Variants in PGF observed in about 807,000 individuals in gnomAD.
The protein encoded by PGF is placenta growth factor.
Under a neutral mutation model 25.3 loss-of-function variants are expected in PGF, and 11 were observed. The observed-to-expected ratio is 0.43, with a 90% confidence interval of 0.27 to 0.72. The LOEUF is 0.72. Among genes scored for constraint, PGF ranks in the 30% least tolerant of loss-of-function variants. The pLI is 0.18. For synonymous variants in PGF, 105 were observed against 97.9 expected (o/e 1.07, Z -0.43); for missense variants, 230 against 234.9 (o/e 0.98, Z 0.14).
Position 74,955,483 on chromosome 14 carries a change from G to A in PGF, c.-241C>T, listed in dbSNP as rs1467074584. ...GCGGCCCGGCGGGGCGGGGCGCCGA[G>A]GGGCAGGCGGGTCCCGGGGATGGTC... On this transcript the variant is annotated 5_prime_UTR_variant, in exon 1 of 7. Coordinates refer to ENST00000555567, the MANE Select transcript of PGF (RefSeq NM_002632.6). This position sits in a 1 kb window ranked among gnomAD's most constrained non-coding sequence, Gnocchi z 4.1. The A allele has an allele frequency of 2.6e-6, 1 of 384,452 alleles. No individual in the cohort carries two copies. The highest frequency in any genetic ancestry group is 4.6e-6 in the Non-Finnish European group (1 of 216,930). The allele number at this position is 384,452 out of a possible 1,614,324, so 23.8% of individuals were successfully genotyped here.
At position 74,950,067 on chromosome 14, in the gene PGF, G is replaced by C. The variant is rs1368023484; in HGVS notation, c.119-514C>G. ...AAGACCACATCCAGCAATGTGGCCCGACCCTCCTCTCCACTGAGTCCAACC... is the reference window on the plus strand; with the variant it reads ...AAGACCACATCCAGCAATGTGGCCCCACCCTCCTCTCCACTGAGTCCAACC... On this transcript the variant is annotated intron_variant, in intron 2 of 6. Coordinates refer to ENST00000555567, the MANE Select transcript of PGF (RefSeq NM_002632.6). This position sits in a 1 kb window ranked among gnomAD's most constrained non-coding sequence, Gnocchi z 4.1. Among the ~76,000 whole-genome samples, 3 of 152,030 alleles carry C rather than the reference G, an allele frequency of 2.0e-5. No individual in the cohort carries two copies. The highest frequency in any genetic ancestry group is 4.4e-5 in the Non-Finnish European group (3 of 68,000).
chr14:74,951,772 G>T lies in PGF; in HGVS notation c.118+2132C>A, dbSNP rs562060108. 1.6e-4 allele frequency among the ~76,000 whole-genome samples: 25 copies of T among 152,106 alleles called. No homozygotes were observed. The South Asian group carries it at 5.0e-3, about 30-fold the overall frequency. On this transcript the variant is annotated intron_variant, in intron 2 of 6. Coordinates refer to ENST00000555567, the MANE Select transcript of PGF (RefSeq NM_002632.6). ...CCAGCCCTGTGGCCGAACTGTGTTG[G>T]GGGAGGGCTGAGAAGGAGGTGGGCT... is the stretch of plus-strand genomic sequence containing the variant.
intron 2 of PGF, among the ~76,000 whole-genome samples, chr14:74,952,319 A>AGTGG (rs1566859415): frequency 6.6e-6 from 1 of 152,222 alleles, no homozygotes; most frequent in Admixed American, 6.5e-5. Flanking sequence ...GGCAGGGCAC[A>AGTGG]CAGACAGCCT....
At chr14:74,944,784 G>C (rs1386834829) in intron 6 of PGF, 3 of 152,156 alleles carry the variant, frequency 2.0e-5, no homozygotes, top group Non-Finnish European at 4.4e-5. Context: ...CTGGCCTCAA[G>C]CGATCCACTC....
intron 4 of PGF, chr14:74,947,006 T>C (rs1434414026): frequency 1.6e-6 from 1 of 625,384 alleles, no homozygotes; most frequent in Non-Finnish European, 2.9e-6. Context: ...TGGCAGGGGA[T>C]AGGGCCTCAG....
Position 74,942,517 on chromosome 14 carries a change from C to T in PGF, c.*189G>A, listed in dbSNP as rs1010340147. ...GTGGCTGGCTTCTCTCTTTCTCTCA[C>T]GTTGTTGAAGGCACTGAATTCCTGA... On this transcript the variant is annotated 3_prime_UTR_variant, in exon 7 of 7. Coordinates refer to ENST00000555567, the MANE Select transcript of PGF (RefSeq NM_002632.6). 29 of 628,700 alleles carry T rather than the reference C, an allele frequency of 4.6e-5. No individual in the cohort carries two copies. Among genetic ancestry groups the T allele is most frequent in the African/African-American group, 1.9e-5 (1 of 51,866 alleles). 38.9% of individuals were successfully genotyped at this position (628,700 alleles called of 1,614,324 possible). A position where few individuals can be genotyped will look rare whatever the true frequency, so the allele number is the denominator to read the frequency against.
intron 2 of PGF, among the ~76,000 whole-genome samples, chr14:74,951,230 T>G (rs1594988828): frequency 6.6e-6 from 1 of 151,994 alleles, no homozygotes; most frequent in African/African-American, 2.4e-5. Context: ...GGGCTGGTGG[T>G]GGGGGGAATC....
Position 74,942,518 on chromosome 14 carries a change from G to A in PGF, c.*188C>T, listed in dbSNP as rs779495781. 7.9e-5 allele frequency: 50 copies of A among 629,852 alleles called. No homozygotes were observed. Among genetic ancestry groups the A allele is most frequent in the Non-Finnish European group, 1.1e-4 (40 of 355,218 alleles). The allele number at this position is 629,852 out of a possible 1,614,324, so 39.0% of individuals were successfully genotyped here. A position where few individuals can be genotyped will look rare whatever the true frequency, so the allele number is the denominator to read the frequency against. The stretch of plus-strand genomic sequence containing the variant: ...TGGCTGGCTTCTCTCTTTCTCTCAC[G>A]TTGTTGAAGGCACTGAATTCCTGAG... On this transcript the variant is annotated 3_prime_UTR_variant, in exon 7 of 7. Transcript: ENST00000555567.
intron 6 of PGF, among the ~76,000 whole-genome samples, chr14:74,944,264 G>A (rs61759400): frequency 1.4e-3 from 210 of 151,606 alleles, no homozygotes; most frequent in African/African-American, 4.8e-3. Flanking sequence ...CACCACACCC[G>A]GCTAATTTTT....
At chr14:74,945,430 C>G (rs1469512232) in intron 6 of PGF, 2 of 152,204 alleles carry the variant, frequency 1.3e-5, no homozygotes, top group Non-Finnish European at 2.9e-5. Flanking sequence ...TCCCCAGGAT[C>G]CCTGTCTTCA....
chr14:74,949,577 G>A, intron 2 of PGF, 24 bp from the exon 3 acceptor site: 1 of 1,525,022 alleles, frequency 6.6e-7, no homozygotes, highest in South Asian at 1.3e-5. Context: ...AGGGGGCTGG[G>A]TCAGGCCAGC....
In PGF at chr14:74,953,644, G is replaced by T. The variant is rs1044362393; in HGVS notation, c.118+260C>A. Among the ~76,000 whole-genome samples, 14 of 152,142 alleles carry T rather than the reference G, an allele frequency of 9.2e-5. No individual in the cohort carries two copies. The highest frequency in any genetic ancestry group is 3.4e-4 in the African/African-American group (14 of 41,414). The stretch of plus-strand genomic sequence containing the variant: ...AAATCATGCTGGGGAAGGGCTCTGA[G>T]CCAGCTGGATGAACCCTGGCTATAC... On this transcript the variant is annotated intron_variant, in intron 2 of 6. Coordinates refer to ENST00000555567, the MANE Select transcript of PGF (RefSeq NM_002632.6). This position sits in a 1 kb window ranked among gnomAD's most constrained non-coding sequence, Gnocchi z 5.4.
chr14:74,955,246 C>G lies in PGF; in HGVS notation c.-4G>C. On this transcript the variant is annotated 5_prime_UTR_variant, in exon 1 of 7. Coordinates refer to ENST00000555567, the MANE Select transcript of PGF (RefSeq NM_002632.6). This position sits in a 1 kb window ranked among gnomAD's most constrained non-coding sequence, Gnocchi z 4.1. Reference sequence around the variant, plus strand: ...GGAACAGCCTCATGACCGGCATCTTCTCAGACGTCCCGAGCCAGGGGGCTC... The same window carrying G: ...GGAACAGCCTCATGACCGGCATCTTGTCAGACGTCCCGAGCCAGGGGGCTC... The G allele has an allele frequency of 1.4e-6, 2 of 1,455,950 alleles. No individual in the cohort carries two copies. The highest frequency in any genetic ancestry group is 2.7e-5 in the South Asian group (2 of 73,390). 90.2% of individuals were successfully genotyped at this position (1,455,950 alleles called of 1,614,324 possible).
At chr14:74,946,553 G>A in intron 4 of PGF, 145 bp from the exon 5 acceptor site, 3 of 744,798 alleles carry the variant, frequency 4.0e-6, no homozygotes, top group Non-Finnish European at 6.5e-6. Context: ...GCATGGAGTT[G>A]GCAAGGGAGA....
At chr14:74,946,980 C>A in intron 4 of PGF, 2 of 662,308 alleles carry the variant, frequency 3.0e-6, no homozygotes, top group Non-Finnish European at 5.5e-6. Flanking sequence ...GAAAGGTGTC[C>A]CTGTTGCCTG....
intron 4 of PGF, chr14:74,947,877 C>T (rs1888776657): frequency 6.6e-6 from 1 of 152,376 alleles, no homozygotes; most frequent in Admixed American, 6.5e-5. Flanking sequence ...TTCCCTGAAC[C>T]TAGCTGGCAG....
chr14:74,955,420 C>A lies in PGF; in HGVS notation c.-178G>T, dbSNP rs1343645849. 2.7e-5 allele frequency: 11 copies of A among 408,068 alleles called. No individual in the cohort carries two copies. The highest frequency in any genetic ancestry group is 8.8e-5 in the Admixed American group (2 of 22,666). The allele number at this position is 408,068 out of a possible 1,614,324, so 25.3% of individuals were successfully genotyped here. A position where few individuals can be genotyped will look rare whatever the true frequency, so the allele number is the denominator to read the frequency against. ...TCTGGAAGCCTTGCGGAGTCAGGAGCCCGTAGGTAAGGCTGTGGCTGGGGA... is the reference window on the plus strand; with the variant it reads ...TCTGGAAGCCTTGCGGAGTCAGGAGACCGTAGGTAAGGCTGTGGCTGGGGA... On this transcript the variant is annotated 5_prime_UTR_variant, in exon 1 of 7. Transcript: ENST00000555567. This position sits in a 1 kb window ranked among gnomAD's most constrained non-coding sequence, Gnocchi z 4.1.
rs1480775219 is a variant in PGF at position 74,953,373 on chromosome 14, C to T, written c.118+531G>A. Among the ~76,000 whole-genome samples, 1 of 152,216 alleles carries T rather than the reference C, an allele frequency of 6.6e-6. No homozygotes were observed. Among genetic ancestry groups the T allele is most frequent in the Non-Finnish European group, 1.5e-5 (1 of 68,030 alleles). On this transcript the variant is annotated intron_variant, in intron 2 of 6. Coordinates refer to ENST00000555567, the MANE Select transcript of PGF (RefSeq NM_002632.6). The surrounding 1 kb of genome is among the most constrained non-coding windows in gnomAD (Gnocchi z 5.4). ...AACGTCTCGTTGCCCTTTGAAGACT[C>T]CCTCTTGATGCAACCAGGGCGGGGA...
intron 6 of PGF, chr14:74,945,160 A>T (rs925950961): frequency 2.0e-5 from 3 of 152,096 alleles, no homozygotes. Context: ...ACCTCAAGTG[A>T]TCTACCCACT....
Sources: gnomAD v4.1 joint callset for allele counts (sites outside exome capture counted in the v4.1 genomes callset) on GRCh38, gnomAD v4.1.1 for gene constraint, Gnocchi (gnomAD v3.1) non-coding constraint, MANE v1.5 for transcripts, NCBI Gene and HGNC (gene_info 2026-07-23, HGNC 2026-07-21) for gene names.